The following SHISA9 variants were observed in gnomAD, a reference collection of about 807,000 sequenced individuals.
SHISA9 encodes the protein protein shisa-9.
Under a neutral mutation model 38.0 loss-of-function variants are expected in SHISA9, and 13 were observed. The ratio of observed to expected loss-of-function variants is 0.34; its 90% CI spans 0.22 to 0.54. SHISA9 has a LOEUF of 0.54. SHISA9 is among the 20% of genes least tolerant of loss of function. The pLI, the probability that SHISA9 is intolerant of heterozygous loss-of-function variation, is 0.91. For synonymous variants in SHISA9, 275 were observed against 242.0 expected, an observed-to-expected ratio of 1.14 and a Z score of -1.27; for missense variants, 538 against 575.8, an observed-to-expected ratio of 0.93 and a Z score of 0.67.
chr16:13,029,377 A>G (rs1048745966), intron 2 of SHISA9, among the ~76,000 whole-genome samples: 10 of 152,238 alleles, frequency 6.6e-5, no homozygotes, highest in African/African-American at 2.4e-4. Flanking sequence ...AGGCCAAGGC[A>G]GATGGATCAC....
At chr16:13,220,156 C>T (rs2051209115) in intron 4 of SHISA9, among the ~76,000 whole-genome samples, 1 of 152,096 alleles carries the variant, frequency 6.6e-6, no homozygotes, top group African/African-American at 2.4e-5. Context: ...GTCTATATTC[C>T]AGTGATTTCA....
At chr16:12,919,268 A>T (rs1418674083) in intron 2 of SHISA9, among the ~76,000 whole-genome samples, 1 of 152,224 alleles carries the variant, frequency 6.6e-6, no homozygotes, top group East Asian at 1.9e-4. Context: ...CATTTAATAT[A>T]AAACCCTTCC....
chr16:12,954,314 G>A (rs2071800419), intron 2 of SHISA9, among the ~76,000 whole-genome samples: 1 of 152,204 alleles, frequency 6.6e-6, no homozygotes, highest in African/African-American at 2.4e-5. Context: ...GCAAATGTGG[G>A]CAGAATTTAG....
At chr16:13,468,080 C>T in the SHISA9 span, among the ~76,000 whole-genome samples, 1 of 151,624 alleles carries the variant, frequency 6.6e-6, no homozygotes, top group Non-Finnish European at 1.5e-5. Flanking sequence ...GTTCTTCTGT[C>T]AGATTTTAAA....
the SHISA9 span, among the ~76,000 whole-genome samples, chr16:13,371,257 C>T: frequency 2.0e-5 from 3 of 152,200 alleles, no homozygotes; most frequent in Non-Finnish European, 4.4e-5. Flanking sequence ...ACTATTCAGT[C>T]TGCAGACATT....
the SHISA9 span, among the ~76,000 whole-genome samples, chr16:13,316,433 G>A: frequency 6.6e-6 from 1 of 152,158 alleles, no homozygotes; most frequent in Non-Finnish European, 1.5e-5. Context: ...GTGCTCAAAT[G>A]CACCTTCAGG....
At chr16:12,984,700 G>C (rs1360560212) in intron 2 of SHISA9, among the ~76,000 whole-genome samples, 1 of 152,172 alleles carries the variant, frequency 6.6e-6, no homozygotes, top group Non-Finnish European at 1.5e-5. Flanking sequence ...GTGTCCTGAT[G>C]GGTGCTGCCT....
intron 2 of SHISA9, among the ~76,000 whole-genome samples, chr16:13,100,747 G>A (rs535377980): frequency 1.3e-5 from 2 of 152,254 alleles, no homozygotes; most frequent in East Asian, 1.9e-4. Flanking sequence ...CGCTCTTGTT[G>A]CCCAGGCTGG....
chr16:13,460,701 C>G, the SHISA9 span, among the ~76,000 whole-genome samples: 1 of 152,222 alleles, frequency 6.6e-6, no homozygotes, highest in South Asian at 2.1e-4. Context: ...ATCCATGGGT[C>G]TAACTCTAAA....
intron 2 of SHISA9, among the ~76,000 whole-genome samples, chr16:13,072,171 G>C (rs2073526855): frequency 6.6e-6 from 1 of 152,236 alleles, no homozygotes; most frequent in Non-Finnish European, 1.5e-5. Context: ...TCTCACCAGT[G>C]TCCTCAAAGT....
At chr16:13,422,064 A>G in the SHISA9 span, among the ~76,000 whole-genome samples, 112,294 of 152,022 alleles carry the variant, frequency 0.74, 41,672 homozygotes, top group Admixed American at 0.83. Context: ...ACACAAGTGG[A>G]GCTGGTCAGC....
the SHISA9 span, among the ~76,000 whole-genome samples, chr16:13,341,276 C>T: frequency 1.3e-5 from 2 of 152,208 alleles, no homozygotes; most frequent in African/African-American, 4.8e-5. Context: ...TGTCCCCACC[C>T]TTGCCTGTCT....
the SHISA9 span, among the ~76,000 whole-genome samples, chr16:13,247,110 A>G: frequency 6.6e-6 from 1 of 152,076 alleles, no homozygotes; most frequent in East Asian, 1.9e-4. Context: ...GGAAGCAAGG[A>G]CCTTCTTCAC....
chr16:13,547,001 A>G, the SHISA9 span, among the ~76,000 whole-genome samples: 23,209 of 152,192 alleles, frequency 0.15, 1,900 homozygotes, highest in African/African-American at 0.2. Context: ...GCCAACATTC[A>G]TCTCTTCTAT....
At chr16:13,119,566 C>A (rs971789830) in intron 2 of SHISA9, among the ~76,000 whole-genome samples, 1 of 152,144 alleles carries the variant, frequency 6.6e-6, no homozygotes, top group Non-Finnish European at 1.5e-5. Flanking sequence ...TCATTATAAT[C>A]ATTAACAATC....
At chr16:13,234,640 G>A (rs192043309) in intron 4 of SHISA9, among the ~76,000 whole-genome samples, 1 of 152,284 alleles carries the variant, frequency 6.6e-6, no homozygotes, top group Admixed American at 6.5e-5. Context: ...TCATAGATAG[G>A]AAGATCACTT....
At chr16:13,324,835 A>G in the SHISA9 span, among the ~76,000 whole-genome samples, 1 of 152,224 alleles carries the variant, frequency 6.6e-6, no homozygotes, top group Non-Finnish European at 1.5e-5. Flanking sequence ...AGGCAAAGAC[A>G]TAAATCAATA....
chr16:12,967,124 G>A (rs962431144), intron 2 of SHISA9, among the ~76,000 whole-genome samples: 8 of 152,106 alleles, frequency 5.3e-5, no homozygotes, highest in East Asian at 1.9e-4. Context: ...GTTTATTGCC[G>A]CACTATTCAC....
intron 2 of SHISA9, among the ~76,000 whole-genome samples, chr16:12,968,311 C>T (rs544628801): frequency 6.6e-6 from 1 of 150,438 alleles, no homozygotes; most frequent in East Asian, 2.0e-4. Flanking sequence ...TTTTGAAGAT[C>T]CTGGGTAATT....
Sources: gnomAD v4.1 joint callset for allele counts (sites outside exome capture counted in the v4.1 genomes callset) on GRCh38, gnomAD v4.1.1 for gene constraint, MANE v1.5 for transcripts, NCBI Gene and HGNC (gene_info 2026-07-23, HGNC 2026-07-21) for gene names.